BTBD9: variants seen among roughly 807,000 people sequenced by gnomAD.
The protein encoded by BTBD9 is BTB domain containing 9.
BTBD9 carries 49 observed loss-of-function variants against 64.3 expected under a neutral mutation model. That is an observed-to-expected ratio of 0.76 (90% CI 0.61 to 0.97). The LOEUF is 0.97. BTBD9 is among the 50% of genes least tolerant of loss of function. The pLI is 0.00. For synonymous variants in BTBD9, 260 were observed against 274.7 expected, an observed-to-expected ratio of 0.95 and a Z score of 0.53; for missense variants, 598 against 762.1, an observed-to-expected ratio of 0.78 and a Z score of 2.53.
rs924284864 is a variant in BTBD9, at chr6:38,172,424, T to C, written c.*2561A>G. On this transcript the variant is annotated 3_prime_UTR_variant, in exon 11 of 11. Coordinates refer to ENST00000481247, the MANE Select transcript of BTBD9 (RefSeq NM_001099272.2). The stretch of plus-strand genomic sequence containing the variant: ...TGGAGATGAGGTCCTTGCCCTGGTG[T>C]GTGGTGTGACACACCTTGACTTGGC... 1.3e-5 allele frequency: 2 copies of C among 152,364 alleles called. No individual in the cohort carries two copies. The highest frequency in any genetic ancestry group is 4.8e-5 in the African/African-American group (2 of 41,466). The allele number at this position is 152,364 out of a possible 1,614,324, so 9.4% of individuals were successfully genotyped here. A position where few individuals can be genotyped will look rare whatever the true frequency, so the allele number is the denominator to read the frequency against.
At chr6:38,321,822 TAC>T (rs3047757) in intron 7 of BTBD9, among the ~76,000 whole-genome samples, 137,558 of 149,874 alleles carry the variant, frequency 0.92, 63,158 homozygotes, top group East Asian at 0.99. Flanking sequence ...TCTTGTTTTA[TAC>T]ACACACACAC....
intron 9 of BTBD9, among the ~76,000 whole-genome samples, chr6:38,207,639 C>A (rs185727877): frequency 1.3e-5 from 2 of 150,586 alleles, no homozygotes; most frequent in Admixed American, 6.6e-5. Context: ...AACAAACAAA[C>A]AAACATTAAA....
At chr6:38,518,972 A>G (rs531809268) in intron 6 of BTBD9, among the ~76,000 whole-genome samples, 1 of 152,362 alleles carries the variant, frequency 6.6e-6, no homozygotes, top group South Asian at 2.1e-4. Context: ...TACCCAGAGT[A>G]AAGAAATCAT....
intron 6 of BTBD9, among the ~76,000 whole-genome samples, chr6:38,491,522 G>A (rs555430910): frequency 3.0e-4 from 45 of 152,046 alleles, no homozygotes; most frequent in Non-Finnish European, 2.1e-4. Context: ...TGCTACTTTA[G>A]TAGTTATTTA....
chr6:38,552,468 A>G (rs1384829852), intron 6 of BTBD9, among the ~76,000 whole-genome samples: 1 of 152,158 alleles, frequency 6.6e-6, no homozygotes, highest in Non-Finnish European at 1.5e-5. Flanking sequence ...GGCTGGCCCA[A>G]TCTCAAAGAT....
intron 6 of BTBD9, among the ~76,000 whole-genome samples, chr6:38,506,049 T>G (rs1260978800): frequency 6.6e-6 from 1 of 150,764 alleles, no homozygotes; most frequent in Non-Finnish European, 1.5e-5. Flanking sequence ...TCCCTCTCAT[T>G]TTTCCTGCCT....
chr6:38,533,713 A>T (rs371444482), intron 6 of BTBD9, among the ~76,000 whole-genome samples: 2 of 152,224 alleles, frequency 1.3e-5, no homozygotes, highest in Non-Finnish European at 2.9e-5. Flanking sequence ...CAATGGAATA[A>T]AACAAATCAA....
intron 8 of BTBD9, 115 bp from the exon 9 acceptor site, chr6:38,256,631 A>C: frequency 1.5e-6 from 1 of 679,382 alleles, no homozygotes. Context: ...CTAGGACTGG[A>C]CAAAGAAGGT....
At chr6:38,404,916 C>A (rs914999440) in intron 6 of BTBD9, among the ~76,000 whole-genome samples, 9 of 152,128 alleles carry the variant, frequency 5.9e-5, no homozygotes, top group African/African-American at 1.9e-4. Context: ...AGAGCCCTAG[C>A]CCTTTTCAGT....
At chr6:38,241,549 G>A (rs1343264145) in intron 9 of BTBD9, among the ~76,000 whole-genome samples, 2 of 152,342 alleles carry the variant, frequency 1.3e-5, no homozygotes, top group East Asian at 3.9e-4. Context: ...GAAGTGAAAA[G>A]TGTATGAGCA....
chr6:38,402,732 A>C, intron 6 of BTBD9: 1 of 690,934 alleles, frequency 1.4e-6, no homozygotes, highest in Admixed American at 2.0e-5. Flanking sequence ...ATAGAGGTGT[A>C]TGTTATCATA....
chr6:38,238,796 G>T (rs1171133406), intron 9 of BTBD9, among the ~76,000 whole-genome samples: 1 of 152,078 alleles, frequency 6.6e-6, no homozygotes, highest in Non-Finnish European at 1.5e-5. Context: ...TATCATGCAG[G>T]TGAAGCCTCC....
At chr6:38,530,953 A>AT (rs1773774695) in intron 6 of BTBD9, among the ~76,000 whole-genome samples, 1 of 152,194 alleles carries the variant, frequency 6.6e-6, no homozygotes, top group Admixed American at 6.5e-5. Context: ...CAAGAAAATA[A>AT]TTCAAAAAAG....
At position 38,171,202 on chromosome 6, in the gene BTBD9, AAAG is replaced by A. The variant is rs1766743993; in HGVS notation, c.*3780_*3782del. 1 of 152,214 alleles carries A rather than the reference AAAG, an allele frequency of 6.6e-6. No individual in the cohort carries two copies. The highest frequency in any genetic ancestry group is 6.5e-5 in the Admixed American group (1 of 15,282). The allele number at this position is 152,214 out of a possible 1,614,324, so 9.4% of individuals were successfully genotyped here. A position where few individuals can be genotyped will look rare whatever the true frequency, so the allele number is the denominator to read the frequency against. On this transcript the variant is annotated 3_prime_UTR_variant, in exon 11 of 11. Coordinates refer to ENST00000481247, the MANE Select transcript of BTBD9 (RefSeq NM_001099272.2). ...ACAATTTTGTTATCTTCTAAATTAA[AAAG>A]AAGGTGAAGTTGACTGGGCTGGAGC...
At chr6:38,618,162 C>T (rs1777853444) in intron 1 of BTBD9, among the ~76,000 whole-genome samples, 1 of 152,196 alleles carries the variant, frequency 6.6e-6, no homozygotes, top group Admixed American at 6.5e-5. Flanking sequence ...CAGGTATCAA[C>T]AAGCTCACCC....
chr6:38,577,518 A>AG, intron 6 of BTBD9, 82 bp downstream of exon 6: 4 of 1,370,896 alleles, frequency 2.9e-6, no homozygotes, highest in Non-Finnish European at 4.0e-6. Flanking sequence ...TTTTTTCAAG[A>AG]TGAAAAATGC....
chr6:38,195,473 A>G (rs1762246553), intron 9 of BTBD9, among the ~76,000 whole-genome samples: 1 of 152,172 alleles, frequency 6.6e-6, no homozygotes, highest in African/African-American at 2.4e-5. Flanking sequence ...TTTGAACAGG[A>G]GCAGTGAATT....
At chr6:38,340,152 G>T (rs1383669691) in intron 7 of BTBD9, among the ~76,000 whole-genome samples, 1 of 152,172 alleles carries the variant, frequency 6.6e-6, no homozygotes, top group Non-Finnish European at 1.5e-5. Flanking sequence ...TATTTCATCT[G>T]CTAAATATAT....
chr6:38,273,457 G>A (rs1424640673), intron 8 of BTBD9, among the ~76,000 whole-genome samples: 1 of 152,158 alleles, frequency 6.6e-6, no homozygotes, highest in Admixed American at 6.5e-5. Flanking sequence ...GATGGAGCAG[G>A]CCAGTGTGAA....
Sources: gnomAD v4.1 joint callset for allele counts (sites outside exome capture counted in the v4.1 genomes callset) on GRCh38, gnomAD v4.1.1 for gene constraint, MANE v1.5 for transcripts, NCBI Gene and HGNC (gene_info 2026-07-23, HGNC 2026-07-21) for gene names.